Variants in CNTNAP4 observed in about 807,000 individuals in gnomAD.
The protein encoded by CNTNAP4 is contactin-associated protein-like 4.
CNTNAP4 carries 98 observed loss-of-function variants against 148.4 expected under a neutral mutation model. The ratio of observed to expected loss-of-function variants is 0.66; its 90% CI spans 0.56 to 0.78. CNTNAP4 has a LOEUF of 0.78. Ranked by LOEUF, CNTNAP4 falls within the 30% of genes least tolerant of loss-of-function variation. The probability of loss-of-function intolerance (pLI) is 0.00; values close to 1 mark genes in which losing one functional copy is unlikely to be tolerated. For synonymous variants in CNTNAP4, 730 were observed against 565.1 expected (o/e 1.29, Z -4.14); for missense variants, 1,935 against 1,565.6 (o/e 1.24, Z -3.98).
At chr16:76,362,696 C>G (rs2013582161) in intron 3 of CNTNAP4, among the ~76,000 whole-genome samples, 2 of 152,034 alleles carry the variant, frequency 1.3e-5, no homozygotes, top group South Asian at 2.1e-4. Flanking sequence ...TAAATGGGAA[C>G]ATAGAGTGCA....
chr16:76,422,472 T>A lies in CNTNAP4; in HGVS notation c.391-4980T>A, dbSNP rs561624707. 2.0e-5 allele frequency among the ~76,000 whole-genome samples: 3 copies of A among 152,316 alleles called. No individual in the cohort carries two copies. The South Asian group carries it at 6.2e-4, about 32-fold the overall frequency. ...AGTCCCAGTTCAACAATAACCTAAG[T>A]TGCATTATTCTAAAATGTGTAAAAG... On this transcript the variant is annotated intron_variant, in intron 3 of 23. Transcript: ENST00000611870.
chr16:76,519,430 C>G (rs749892798), intron 15 of CNTNAP4, among the ~76,000 whole-genome samples: 2 of 152,038 alleles, frequency 1.3e-5, no homozygotes, highest in Non-Finnish European at 2.9e-5. Flanking sequence ...AATGTTATGT[C>G]ATAATATTAC....
chr16:76,399,165 C>G (rs2078315772), intron 3 of CNTNAP4, among the ~76,000 whole-genome samples: 1 of 152,158 alleles, frequency 6.6e-6, no homozygotes, highest in Non-Finnish European at 1.5e-5. Flanking sequence ...AAACTGCTTT[C>G]CTTTATAAAT....
At chr16:76,535,424 A>G in intron 17 of CNTNAP4, 121 bp from the exon 18 acceptor site, 1 of 1,027,324 alleles carries the variant, frequency 9.7e-7, no homozygotes, top group South Asian at 1.8e-5. Flanking sequence ...TGTGTTTCCA[A>G]AATTATATTT....
chr16:76,351,959 A>G (rs553335345), intron 2 of CNTNAP4, among the ~76,000 whole-genome samples: 37 of 152,344 alleles, frequency 2.4e-4, no homozygotes, highest in Non-Finnish European at 5.9e-5. Context: ...GATTTTAGGA[A>G]AACATATTCT....
intron 3 of CNTNAP4, among the ~76,000 whole-genome samples, chr16:76,423,090 G>A (rs1261384593): frequency 4.6e-5 from 7 of 152,124 alleles, no homozygotes; most frequent in African/African-American, 1.7e-4. Flanking sequence ...GAAACATGAA[G>A]TAGGCCTTCA....
chr16:76,406,412 A>G lies in CNTNAP4; in HGVS notation c.391-21040A>G, dbSNP rs533300918. ...AGACAACAATATTGAAATTAGACCA[A>G]TTAATAACCTTACAATGGCCTCTAA... On this transcript the variant is annotated intron_variant, in intron 3 of 23. Coordinates refer to ENST00000611870, the MANE Select transcript of CNTNAP4 (RefSeq NM_033401.5). Among the ~76,000 whole-genome samples the G allele has an allele frequency of 9.1e-4, 139 of 152,124 alleles. 1 individual carries two copies. Among genetic ancestry groups the G allele is most frequent in the African/African-American group, 2.9e-3 (121 of 41,528 alleles).
At chr16:76,397,839 C>CA (rs2078254452) in intron 3 of CNTNAP4, among the ~76,000 whole-genome samples, 1 of 136,570 alleles carries the variant, frequency 7.3e-6, no homozygotes. Flanking sequence ...AAAGAGATTT[C>CA]ATGCTAAAGG....
intron 3 of CNTNAP4, among the ~76,000 whole-genome samples, chr16:76,422,353 A>T (rs1391165825): frequency 2.9e-5 from 2 of 68,316 alleles, no homozygotes; most frequent in African/African-American, 1.1e-4. Context: ...TGATTATTCA[A>T]TGTTTATCAT....
At chr16:76,551,823 C>T (rs752248920) in intron 21 of CNTNAP4, among the ~76,000 whole-genome samples, 9 of 152,176 alleles carry the variant, frequency 5.9e-5, no homozygotes, top group South Asian at 2.1e-4. Flanking sequence ...TTCCTGGGAA[C>T]GTAGATTCAA....
intron 4 of CNTNAP4, among the ~76,000 whole-genome samples, chr16:76,433,620 T>C (rs554952445): frequency 1.6e-4 from 25 of 152,198 alleles, no homozygotes; most frequent in African/African-American, 6.0e-4. Flanking sequence ...AACAAAACAT[T>C]GAAAGACAGC....
At chr16:76,558,232 A>G (rs916522521) in intron 23 of CNTNAP4, 1 of 347,564 alleles carries the variant, frequency 2.9e-6, no homozygotes, top group East Asian at 5.0e-5. Context: ...TTAAATATAA[A>G]TGCACCAAGT....
intron 1 of CNTNAP4, among the ~76,000 whole-genome samples, chr16:76,315,664 G>C (rs754481533): frequency 6.6e-6 from 1 of 151,270 alleles, no homozygotes; most frequent in Non-Finnish European, 1.5e-5. Flanking sequence ...GTGTGATCTC[G>C]GCTCACTGCA....
intron 17 of CNTNAP4, among the ~76,000 whole-genome samples, chr16:76,525,983 G>A (rs2083714601): frequency 6.6e-6 from 1 of 151,518 alleles, no homozygotes; most frequent in African/African-American, 2.4e-5. Context: ...GTACATGTAT[G>A]CATGCATGTG....
chr16:76,448,951 G>C lies in CNTNAP4; in HGVS notation c.927G>C (p.Glu309Asp). ...GEFNLMNLDY[E>D]ISFGGIPAPG... Reference sequence around the variant, plus strand: ...TCAATCTCATGAATCTTGATTATGAGGTGTGATGGTTATGTTTCAATTAAT... The same window carrying C: ...TCAATCTCATGAATCTTGATTATGACGTGTGATGGTTATGTTTCAATTAAT... The change falls in exon 6 of 24, where the codon GAG becomes GAC. Residue 309 changes from glutamate (E) to aspartate (D), a missense_variant and splice_region_variant. Transcript: ENST00000611870. 1 of 1,611,870 alleles carries C rather than the reference G, an allele frequency of 6.2e-7. No homozygotes were observed. The highest frequency in any genetic ancestry group is 8.5e-7 in the Non-Finnish European group (1 of 1,178,644).
intron 17 of CNTNAP4, among the ~76,000 whole-genome samples, chr16:76,532,255 A>G (rs1251664397): frequency 6.6e-6 from 1 of 152,226 alleles, no homozygotes; most frequent in South Asian, 2.1e-4. Context: ...AGTGGTGTGA[A>G]GTGCAAAGAA....
intron 1 of CNTNAP4, among the ~76,000 whole-genome samples, chr16:76,314,740 C>T (rs549140171): frequency 2.6e-5 from 4 of 152,258 alleles, no homozygotes; most frequent in African/African-American, 9.6e-5. Context: ...GTCTCAGCCT[C>T]ATTTTCCTAG....
chr16:76,295,972 G>C (rs1332251208), intron 1 of CNTNAP4, among the ~76,000 whole-genome samples: 1 of 152,038 alleles, frequency 6.6e-6, no homozygotes, highest in Non-Finnish European at 1.5e-5. Flanking sequence ...ACAGACATGT[G>C]CCACCATGGC....
chr16:76,316,552 C>G (rs966027554), intron 2 of CNTNAP4, 29 bp downstream of exon 2: 1 of 1,422,820 alleles, frequency 7.0e-7, no homozygotes. Flanking sequence ...TCTGACTGGC[C>G]CATAGAAAAT....
Sources: gnomAD v4.1 joint callset for allele counts (sites outside exome capture counted in the v4.1 genomes callset) on GRCh38, gnomAD v4.1.1 for gene constraint, MANE v1.5 for transcripts, NCBI Gene and HGNC (gene_info 2026-07-23, HGNC 2026-07-21) for gene names.